Variants in HCN1 observed in about 807,000 individuals in gnomAD.
HCN1 encodes hyperpolarization activated cyclic nucleotide gated potassium channel 1.
A neutral mutation model predicts 78.9 loss-of-function variants in HCN1; 13 were observed. The observed-to-expected ratio is 0.16, with a 90% CI of 0.11 to 0.26. The LOEUF (loss-of-function observed/expected upper bound fraction) is 0.26, where lower values mean the gene tolerates loss of function less well. HCN1 is among the 10% of genes least tolerant of loss of function. HCN1 has a pLI of 1.00. For synonymous variants in HCN1, 552 were observed against 455.5 expected (o/e 1.21, Z -2.70); for missense variants, 810 against 1,154.3 (o/e 0.70, Z 4.32).
chr5:45,534,836 C>G (rs548326823), intron 2 of HCN1, among the ~76,000 whole-genome samples: 29 of 152,212 alleles, frequency 1.9e-4, no homozygotes, highest in South Asian at 1.0e-3. Context: ...CTTTTCAGAG[C>G]AGAGGGAGAA....
chr5:45,380,226 C>T (rs1446013539), intron 4 of HCN1, among the ~76,000 whole-genome samples: 1 of 151,976 alleles, frequency 6.6e-6, no homozygotes, highest in African/African-American at 2.4e-5. Flanking sequence ...TTTACTGTGT[C>T]CTCAGATAAT....
chr5:45,404,693 C>CAAAAAAAAAAAAAA (rs60728403), intron 3 of HCN1, among the ~76,000 whole-genome samples: 1 of 56,236 alleles, frequency 1.8e-5, no homozygotes, highest in Non-Finnish European at 3.5e-5. Flanking sequence ...GGGCTATTTG[C>CAAAAAAAAAAAAAA]AAAAAAAAAA....
At position 45,696,008 on chromosome 5, in the gene HCN1, C is replaced by A. The variant is rs1391977771; in HGVS notation, c.86G>T (p.Gly29Val). ...CTTCTCGGCCGCGGCCGGCCCCGCG[C>A]CCGTCGCGGACGCCTTGGCGGGGAA... is the stretch of plus-strand genomic sequence containing the variant. ...SVFPAKASAT[G>V]AGPAAAEKRL... Residue 29 changes from glycine to valine, a missense_variant, in exon 1 of 8, where the codon GGC becomes GTC. Coordinates refer to ENST00000303230, the MANE Select transcript of HCN1 (RefSeq NM_021072.4). 3 of 1,302,400 alleles carry A rather than the reference C, an allele frequency of 2.3e-6. No homozygotes were observed. The highest frequency in any genetic ancestry group is 3.7e-5 in the East Asian group (1 of 26,992). 80.7% of individuals were successfully genotyped at this position (1,302,400 alleles called of 1,614,324 possible).
At chr5:45,306,134 T>A (rs1384479575) in intron 5 of HCN1, among the ~76,000 whole-genome samples, 1 of 152,044 alleles carries the variant, frequency 6.6e-6, no homozygotes, top group Non-Finnish European at 1.5e-5. Flanking sequence ...GAGAGTTAAT[T>A]ATTTCACATG....
intron 2 of HCN1, among the ~76,000 whole-genome samples, chr5:45,637,334 G>C (rs948017190): frequency 6.6e-6 from 1 of 151,760 alleles, no homozygotes; most frequent in African/African-American, 2.4e-5. Flanking sequence ...TTTATTTATC[G>C]GTTTGTCTAT....
intron 5 of HCN1, among the ~76,000 whole-genome samples, chr5:45,332,030 A>G (rs779549853): frequency 6.6e-6 from 1 of 151,586 alleles, no homozygotes; most frequent in Non-Finnish European, 1.5e-5. Flanking sequence ...TATATAAGCT[A>G]GACAAATGTA....
Position 45,469,347 on chromosome 5 carries a change from CCTA to C in HCN1, c.850-7343_850-7341del, listed in dbSNP as rs138763626. Among the ~76,000 whole-genome samples the C allele has an allele frequency of 1.4e-4, 21 of 151,716 alleles. No individual in the cohort carries two copies. The East Asian group carries it at 3.9e-3, about 28-fold the overall frequency. On this transcript the variant is annotated intron_variant, in intron 2 of 7. Transcript: ENST00000303230. ...ATTATGAATGAATATTGGAAATGACCCTACTAAGAAGAAATTTCAATGGATTAA... is the reference window on the plus strand; with the variant it reads ...ATTATGAATGAATATTGGAAATGACCCTAAGAAGAAATTTCAATGGATTAA...
chr5:45,475,715 AT>A (rs1360415570), intron 2 of HCN1, among the ~76,000 whole-genome samples: 1 of 151,944 alleles, frequency 6.6e-6, no homozygotes, highest in African/African-American at 2.4e-5. Flanking sequence ...CCACATTATT[AT>A]TTTTTTCTTT....
At chr5:45,295,410 T>C (rs1251777140) in intron 6 of HCN1, among the ~76,000 whole-genome samples, 1 of 151,994 alleles carries the variant, frequency 6.6e-6, no homozygotes, top group Non-Finnish European at 1.5e-5. Flanking sequence ...TGAATGTGTC[T>C]CACACTTATA....
chr5:45,677,559 GA>G (rs1159748439), intron 1 of HCN1, among the ~76,000 whole-genome samples: 1 of 151,820 alleles, frequency 6.6e-6, no homozygotes, highest in Non-Finnish European at 1.5e-5. Context: ...TAAAAAGAAG[GA>G]GGTTAAATGA....
Position 45,473,846 on chromosome 5 carries a change from C to T in HCN1, c.850-11839G>A, listed in dbSNP as rs529663341. The stretch of plus-strand genomic sequence containing the variant: ...CATCTTGTAACCTGGCGTTTCCTAT[C>T]TGTCATCTGAAAACATCCACGATAA... On this transcript the variant is annotated intron_variant, in intron 2 of 7. Coordinates refer to ENST00000303230, the MANE Select transcript of HCN1 (RefSeq NM_021072.4). 3.3e-5 allele frequency among the ~76,000 whole-genome samples: 5 copies of T among 151,924 alleles called. No homozygotes were observed. The East Asian group carries it at 9.6e-4, about 29-fold the overall frequency.
intron 4 of HCN1, among the ~76,000 whole-genome samples, chr5:45,378,012 T>G (rs1014263615): frequency 1.4e-4 from 22 of 152,112 alleles, no homozygotes; most frequent in African/African-American, 5.3e-4. Flanking sequence ...AAAAGACATT[T>G]AAAGTGCCTT....
intron 6 of HCN1, 64 bp from the exon 7 acceptor site, chr5:45,267,317 G>A (rs888194011): frequency 6.8e-7 from 1 of 1,476,560 alleles, no homozygotes; most frequent in South Asian, 1.1e-5. Context: ...AGCCATTAAG[G>A]CTTCCCACAA....
intron 3 of HCN1, among the ~76,000 whole-genome samples, chr5:45,432,179 ATTC>A (rs1200041420): frequency 2.6e-5 from 4 of 151,844 alleles, no homozygotes. Context: ...TAGGTATTTT[ATTC>A]TTTTTGTGAC....
intron 5 of HCN1, among the ~76,000 whole-genome samples, chr5:45,320,359 T>C (rs1579808567): frequency 6.6e-6 from 1 of 151,852 alleles, no homozygotes; most frequent in South Asian, 2.1e-4. Flanking sequence ...CAGCAGTTGG[T>C]ATGTTTAGGG....
At chr5:45,469,785 G>T (rs549267184) in intron 2 of HCN1, among the ~76,000 whole-genome samples, 8 of 107,604 alleles carry the variant, frequency 7.4e-5, no homozygotes, top group Admixed American at 6.2e-4. Flanking sequence ...TTATAAAGGA[G>T]TGTGTGTGTG....
chr5:45,374,257 T>G (rs1245560156), intron 4 of HCN1, among the ~76,000 whole-genome samples: 16 of 125,064 alleles, frequency 1.3e-4, no homozygotes, highest in South Asian at 1.2e-3. Flanking sequence ...GTACATTATA[T>G]ACATAACATA....
Position 45,356,231 on chromosome 5 carries a change from T to A in HCN1, c.1231-2985A>T, listed in dbSNP as rs187687771. ...AGTATATTTAGTAGTCACAGACAAA[T>A]AGATTTTTGAAAAGCAAGGATGCCA... On this transcript the variant is annotated intron_variant, in intron 4 of 7. Coordinates refer to ENST00000303230, the MANE Select transcript of HCN1 (RefSeq NM_021072.4). 5.3e-5 allele frequency among the ~76,000 whole-genome samples: 8 copies of A among 151,932 alleles called. No homozygotes were observed. In the East Asian group the frequency reaches 1.2e-3, roughly 22 times the overall value.
chr5:45,658,789 G>C (rs1745848622), intron 1 of HCN1, among the ~76,000 whole-genome samples: 1 of 151,998 alleles, frequency 6.6e-6, no homozygotes, highest in African/African-American at 2.4e-5. Context: ...CCCACACTTG[G>C]CTGAGAGGGT....
Sources: allele counts gnomAD v4.1 joint callset (sites outside exome capture counted in the v4.1 genomes callset), GRCh38; gene constraint gnomAD v4.1.1; transcripts MANE v1.5; gene names NCBI Gene and HGNC (gene_info 2026-07-23, HGNC 2026-07-21).